Variants in GRID2 observed in about 807,000 individuals in gnomAD.
GRID2 encodes glutamate receptor ionotropic, delta-2.
GRID2 carries 33 observed loss-of-function variants against 114.8 expected under a neutral mutation model. The observed-to-expected ratio is 0.29, with a 90% CI of 0.22 to 0.38. The LOEUF (loss-of-function observed/expected upper bound fraction) is 0.38, where lower values mean the gene tolerates loss of function less well. Among genes scored for constraint, GRID2 ranks in the 10% least tolerant of loss-of-function variants. GRID2 has a pLI of 1.00. For missense variants in GRID2, 1,184 were observed against 1,257.7 expected (o/e 0.94, Z 0.89); for synonymous variants, 505 against 449.9 (o/e 1.12, Z -1.55).
At chr4:93,444,386 G>C (rs1465620210) in intron 10 of GRID2, among the ~76,000 whole-genome samples, 1 of 151,986 alleles carries the variant, frequency 6.6e-6, no homozygotes, top group Non-Finnish European at 1.5e-5. Flanking sequence ...CTGAGAAACA[G>C]TGTAGCAATA....
intron 1 of GRID2, among the ~76,000 whole-genome samples, chr4:92,305,329 G>T (rs1198753924): frequency 1.3e-5 from 2 of 152,140 alleles, no homozygotes; most frequent in Non-Finnish European, 2.9e-5. Flanking sequence ...TGATCCTTGC[G>T]TGTAGTCTTT....
chr4:93,146,185 C>A (rs1419671159), intron 4 of GRID2, among the ~76,000 whole-genome samples: 1 of 152,020 alleles, frequency 6.6e-6, no homozygotes, highest in African/African-American at 2.4e-5. Flanking sequence ...ACCTAAAACC[C>A]AACCGCATAT....
Position 93,766,229 on chromosome 4 carries a change from A to C in GRID2, c.2361-2981A>C, listed in dbSNP as rs527885180. On this transcript the variant is annotated intron_variant, in intron 14 of 15. Coordinates refer to ENST00000282020, the MANE Select transcript of GRID2 (RefSeq NM_001510.4). ...GTTCGTTCTCTCACTGCTATGAAGAAATACCCAAGACTGGGTAGTTTATAA... is the reference window on the plus strand; with the variant it reads ...GTTCGTTCTCTCACTGCTATGAAGACATACCCAAGACTGGGTAGTTTATAA... Among the ~76,000 whole-genome samples the C allele has an allele frequency of 5.3e-5, 8 of 152,316 alleles. No individual in the cohort carries two copies. In the South Asian group the frequency reaches 6.2e-4, roughly 12 times the overall value.
chr4:93,713,681 C>G (rs72875919), intron 14 of GRID2, among the ~76,000 whole-genome samples: 8,417 of 151,900 alleles, frequency 0.055, 766 homozygotes, highest in African/African-American at 0.19. Flanking sequence ...ATAGGGTTAC[C>G]AAGGAAAAGA....
At chr4:92,721,028 T>C (rs543394758) in intron 2 of GRID2, among the ~76,000 whole-genome samples, 10 of 152,260 alleles carry the variant, frequency 6.6e-5, no homozygotes, top group Non-Finnish European at 1.0e-4. Context: ...CTTACAGTTA[T>C]TATGCTAAGT....
At chr4:92,997,843 C>T (rs562238894) in intron 2 of GRID2, among the ~76,000 whole-genome samples, 1 of 152,028 alleles carries the variant, frequency 6.6e-6, no homozygotes, top group African/African-American at 2.4e-5. Flanking sequence ...TGAAAAATAT[C>T]AGAAAATCTA....
intron 4 of GRID2, among the ~76,000 whole-genome samples, chr4:93,155,720 G>A (rs12511683): frequency 0.54 from 81,257 of 151,474 alleles, 23,169 homozygotes; most frequent in African/African-American, 0.7. Flanking sequence ...AAATCAAAAT[G>A]ACTTCATGTG....
chr4:93,715,443 A>G (rs1405968129), intron 14 of GRID2, among the ~76,000 whole-genome samples: 2 of 152,154 alleles, frequency 1.3e-5, no homozygotes, highest in African/African-American at 4.8e-5. Context: ...TGAATTTTCA[A>G]ATAGGTTTTT....
At chr4:92,805,340 C>G (rs1365147145) in intron 2 of GRID2, among the ~76,000 whole-genome samples, 1 of 151,846 alleles carries the variant, frequency 6.6e-6, no homozygotes, top group Non-Finnish European at 1.5e-5. Context: ...TTGTTCCCAA[C>G]ACCAAAATTC....
intron 3 of GRID2, among the ~76,000 whole-genome samples, chr4:93,087,017 G>GATTGATTT (rs1553984520): frequency 1.4e-5 from 2 of 147,520 alleles, no homozygotes; most frequent in East Asian, 2.0e-4. Context: ...CTATGAAAGT[G>GATTGATTT]ATTTATTTAT....
At chr4:92,843,857 A>G (rs930647260) in intron 2 of GRID2, among the ~76,000 whole-genome samples, 1 of 152,142 alleles carries the variant, frequency 6.6e-6, no homozygotes, top group African/African-American at 2.4e-5. Flanking sequence ...TTTTCACTTT[A>G]CTAAATTAAA....
intron 2 of GRID2, among the ~76,000 whole-genome samples, chr4:92,751,586 A>G (rs946919699): frequency 2.6e-5 from 4 of 152,220 alleles, no homozygotes; most frequent in African/African-American, 7.2e-5. Flanking sequence ...TTTCTTTTCA[A>G]TGTTGTTAAA....
At chr4:93,160,979 A>G (rs1053690789) in intron 4 of GRID2, among the ~76,000 whole-genome samples, 2 of 151,932 alleles carry the variant, frequency 1.3e-5, no homozygotes, top group Non-Finnish European at 2.9e-5. Flanking sequence ...CAGTTGCAAA[A>G]CTGCCTCAGT....
chr4:93,755,096 A>G (rs910938595), intron 14 of GRID2, among the ~76,000 whole-genome samples: 1 of 152,220 alleles, frequency 6.6e-6, no homozygotes, highest in African/African-American at 2.4e-5. Context: ...TGGTGCAAGT[A>G]ACATCCCTTT....
At chr4:92,305,562 C>A (rs1447202870) in intron 1 of GRID2, among the ~76,000 whole-genome samples, 5 of 152,116 alleles carry the variant, frequency 3.3e-5, no homozygotes, top group Non-Finnish European at 7.4e-5. Context: ...TCCGAGTAGC[C>A]GCGCAAGGCA....
intron 3 of GRID2, among the ~76,000 whole-genome samples, chr4:93,096,921 T>C (rs1244870268): frequency 6.6e-6 from 1 of 152,034 alleles, no homozygotes; most frequent in African/African-American, 2.4e-5. Flanking sequence ...GCCCATCATT[T>C]TGAGAATGGT....
intron 1 of GRID2, among the ~76,000 whole-genome samples, chr4:92,370,047 A>G (rs1035285182): frequency 1.3e-5 from 2 of 152,180 alleles, no homozygotes; most frequent in Non-Finnish European, 2.9e-5. Context: ...GCAACCATAT[A>G]TCGAGCAAGT....
At chr4:92,630,969 A>C (rs542152326) in intron 2 of GRID2, among the ~76,000 whole-genome samples, 4 of 152,030 alleles carry the variant, frequency 2.6e-5, no homozygotes, top group African/African-American at 9.6e-5. Context: ...CCAGGAAGGA[A>C]CTATTTCCTT....
chr4:93,542,279 T>C, intron 13 of GRID2, among the ~76,000 whole-genome samples: 1 of 152,108 alleles, frequency 6.6e-6, no homozygotes, highest in Non-Finnish European at 1.5e-5. Flanking sequence ...TTGAGTAAAA[T>C]ATTTTACTAT....
Sources: gnomAD v4.1 joint callset for allele counts (sites outside exome capture counted in the v4.1 genomes callset) on GRCh38, gnomAD v4.1.1 for gene constraint, MANE v1.5 for transcripts, NCBI Gene and HGNC (gene_info 2026-07-23, HGNC 2026-07-21) for gene names.